SYT2: variants seen among roughly 807,000 people sequenced by gnomAD.
SYT2 encodes the protein synaptotagmin 2.
Under a neutral mutation model 39.9 loss-of-function variants are expected in SYT2, and 15 were observed. That is an observed-to-expected ratio of 0.38 (90% confidence interval 0.25 to 0.58). SYT2 has a LOEUF of 0.58. Among genes scored for constraint, SYT2 ranks in the 20% least tolerant of loss-of-function variants. The pLI is 0.70. For synonymous variants in SYT2, 181 were observed against 204.5 expected (o/e 0.89, Z 0.98); for missense variants, 389 against 530.3 (o/e 0.73, Z 2.62).
Position 202,594,483 on chromosome 1 carries a change from C to T in SYT2, c.*2274G>A, listed in dbSNP as rs1220649074. ...TGGGATATGGGTGAGAAGAGTGAGT[C>T]TGGGGAGAGACCCTGAGAAAGCACC... On this transcript the variant is annotated 3_prime_UTR_variant, in exon 9 of 9. Transcript: ENST00000367268. 2.6e-5 allele frequency: 4 copies of T among 152,154 alleles called. No individual in the cohort carries two copies. In the East Asian group the frequency reaches 7.7e-4, roughly 29 times the overall value. 9.4% of individuals were successfully genotyped at this position (152,154 alleles called of 1,614,324 possible).
In SYT2 at chr1:202,591,073, C is replaced by CAG. The variant is rs1044735482; in HGVS notation, c.*5682_*5683dup. Reference sequence around the variant, plus strand: ...GTGGGTGTGGAGAGTGGGAGGGCCCCAGAGAGAGCTGGAGGAAGCAAGACA... The same window carrying CAG: ...GTGGGTGTGGAGAGTGGGAGGGCCCCAGAGAGAGAGCTGGAGGAAGCAAGACA... On this transcript the variant is annotated 3_prime_UTR_variant, in exon 9 of 9. Coordinates refer to ENST00000367268, the MANE Select transcript of SYT2 (RefSeq NM_177402.5). The CAG allele has an allele frequency of 5.9e-5, 9 of 152,352 alleles. No homozygotes were observed. The highest frequency in any genetic ancestry group is 2.2e-4 in the African/African-American group (9 of 41,562). 9.4% of individuals were successfully genotyped at this position (152,352 alleles called of 1,614,324 possible).
At chr1:202,676,815 G>C (rs1653384690) in intron 1 of SYT2, among the ~76,000 whole-genome samples, 1 of 152,238 alleles carries the variant, frequency 6.6e-6, no homozygotes, top group Non-Finnish European at 1.5e-5. Flanking sequence ...TACTGTTTAT[G>C]TAAAAGCTTT....
intron 1 of SYT2, among the ~76,000 whole-genome samples, chr1:202,637,868 T>C (rs1691783729): frequency 6.6e-6 from 1 of 152,264 alleles, no homozygotes; most frequent in South Asian, 2.1e-4. Flanking sequence ...GGTTTAGTCT[T>C]GGGTGGCAGC....
chr1:202,686,301 AT>A (rs1653664344), intron 1 of SYT2, among the ~76,000 whole-genome samples: 2 of 152,154 alleles, frequency 1.3e-5, no homozygotes, highest in Non-Finnish European at 2.9e-5. Context: ...AGCCGCAGAT[AT>A]TTCCTTATAA....
rs911632666 is a variant in SYT2 at position 202,591,888 on chromosome 1, G to A, written c.*4869C>T. ...CACTGCTGTCTGCTCCTCGCCCAGC[G>A]TAGAGATGGAGCTGAACTGTGAACC... On this transcript the variant is annotated 3_prime_UTR_variant, in exon 9 of 9. Transcript: ENST00000367268. The A allele has an allele frequency of 7.9e-5, 12 of 152,782 alleles. No homozygotes were observed. The highest frequency in any genetic ancestry group is 1.3e-4 in the Non-Finnish European group (9 of 68,138). The allele number at this position is 152,782 out of a possible 1,614,324, so 9.5% of individuals were successfully genotyped here. A position where few individuals can be genotyped will look rare whatever the true frequency, so the allele number is the denominator to read the frequency against.
intron 1 of SYT2, among the ~76,000 whole-genome samples, chr1:202,632,238 C>T (rs761966884): frequency 3.9e-5 from 6 of 152,162 alleles, no homozygotes; most frequent in African/African-American, 1.2e-4. Flanking sequence ...CAGTTCTGGC[C>T]TCCTGACTGG....
chr1:202,631,914 C>T (rs935456647), intron 1 of SYT2: 4 of 540,814 alleles, frequency 7.4e-6, no homozygotes, highest in African/African-American at 6.3e-5. Flanking sequence ...AAATCTCTGA[C>T]ATCTCCATCC....
chr1:202,605,533 C>G (rs1026135753), intron 2 of SYT2, 62 bp downstream of exon 2: 2 of 1,503,666 alleles, frequency 1.3e-6, no homozygotes, highest in African/African-American at 2.7e-5. Context: ...GTATCCCCAC[C>G]CTTCTTCACC....
At chr1:202,682,697 G>A (rs905632678) in intron 1 of SYT2, among the ~76,000 whole-genome samples, 16 of 152,154 alleles carry the variant, frequency 1.1e-4, no homozygotes, top group Non-Finnish European at 2.4e-4. Context: ...ACAACCGAGA[G>A]TCAAGGCCAC....
intron 1 of SYT2, among the ~76,000 whole-genome samples, chr1:202,694,615 C>T (rs1188208932): frequency 6.6e-6 from 1 of 152,082 alleles, no homozygotes; most frequent in Non-Finnish European, 1.5e-5. Flanking sequence ...ACAGCAATAA[C>T]ATTACGGCAC....
rs765004983 is a variant in SYT2 at position 202,600,350 on chromosome 1, C to T, written c.919+7G>A. 6.2e-7 allele frequency: 1 copy of T among 1,613,286 alleles called. No homozygotes were observed. Among genetic ancestry groups the T allele is most frequent in the Non-Finnish European group, 8.5e-7 (1 of 1,179,326 alleles). ...CACCCAATGGCAGCCAGAAGCTCTC[C>T]ACGTACCTGAAAGGCCGCCCACGTC... On this transcript the variant is annotated splice_region_variant and intron_variant, in intron 7 of 8. Transcript: ENST00000367268.
intron 1 of SYT2, among the ~76,000 whole-genome samples, chr1:202,654,611 T>C (rs1196964977): frequency 6.6e-6 from 1 of 152,178 alleles, no homozygotes; most frequent in African/African-American, 2.4e-5. Context: ...TCATCCTACT[T>C]GGAGAGGTGA....
chr1:202,600,227 G>A (rs755788579), intron 7 of SYT2, 130 bp downstream of exon 7: 35 of 761,760 alleles, frequency 4.6e-5, no homozygotes, highest in Admixed American at 4.1e-4. Context: ...AGGCTCCCCC[G>A]CTCCTCGAGG....
chr1:202,681,993 A>G (rs1415271039), intron 1 of SYT2, among the ~76,000 whole-genome samples: 1 of 152,214 alleles, frequency 6.6e-6, no homozygotes, highest in East Asian at 1.9e-4. Context: ...TGATGAGGCC[A>G]GGGCCACGGT....
chr1:202,618,662 T>C (rs778118319), intron 1 of SYT2, among the ~76,000 whole-genome samples: 21 of 152,168 alleles, frequency 1.4e-4, no homozygotes, highest in Non-Finnish European at 2.5e-4. Context: ...TGGGATTAAA[T>C]GAGATGTTGC....
intron 1 of SYT2, among the ~76,000 whole-genome samples, chr1:202,617,937 C>T (rs1691092408): frequency 6.6e-6 from 1 of 152,122 alleles, no homozygotes; most frequent in Admixed American, 6.5e-5. Context: ...TGGAGTCTCG[C>T]TGTCTGCCAG....
intron 1 of SYT2, among the ~76,000 whole-genome samples, chr1:202,626,150 G>C (rs372004754): frequency 1.8e-4 from 27 of 152,216 alleles, no homozygotes; most frequent in African/African-American, 6.3e-4. Context: ...GATAGCTACA[G>C]GCCCTGTACG....
rs564136688 is a variant in SYT2, at chr1:202,658,394, C to T, written c.-18+51864G>A. Among the ~76,000 whole-genome samples, 10 of 152,264 alleles carry T rather than the reference C, an allele frequency of 6.6e-5. 1 individual carries two copies. The South Asian group carries it at 1.7e-3, about 25-fold the overall frequency. ...CAGGAAGCCAGCCAGGCCTAGCCAC[C>T]GTGTCCCCTCCCTGCGTCAGAAATC... On this transcript the variant is annotated intron_variant, in intron 1 of 8. Transcript: ENST00000367268.
chr1:202,699,103 G>C (rs2149120762), intron 1 of SYT2, among the ~76,000 whole-genome samples: 1 of 148,540 alleles, frequency 6.7e-6, no homozygotes, highest in East Asian at 2.0e-4. Context: ...GCTCACTGCA[G>C]CCTCAACTTC....
Sources: allele counts gnomAD v4.1 joint callset (sites outside exome capture counted in the v4.1 genomes callset), GRCh38; gene constraint gnomAD v4.1.1; transcripts MANE v1.5; gene names NCBI Gene and HGNC (gene_info 2026-07-23, HGNC 2026-07-21).